Variants in SPNS3 observed in about 807,000 individuals in gnomAD.
SPNS3 encodes protein spinster homolog 3.
A neutral mutation model predicts 54.4 loss-of-function variants in SPNS3; 51 were observed. That is an observed-to-expected ratio of 0.94 (90% CI 0.75 to 1.18). The LOEUF (loss-of-function observed/expected upper bound fraction) is 1.18, where lower values mean the gene tolerates loss of function less well. Among genes scored for constraint, SPNS3 ranks in the 50% most tolerant of loss-of-function variants. SPNS3 has a pLI of 0.00. For synonymous variants in SPNS3, 309 were observed against 294.7 expected, an observed-to-expected ratio of 1.05 and a Z score of -0.50; for missense variants, 669 against 677.4, an observed-to-expected ratio of 0.99 and a Z score of 0.14.
intron 8 of SPNS3, among the ~76,000 whole-genome samples, chr17:4,473,769 T>G (rs377661558): frequency 6.6e-6 from 1 of 152,104 alleles, no homozygotes; most frequent in Non-Finnish European, 1.5e-5. Context: ...CAGGGGAGCT[T>G]GCAGGGTGGT....
chr17:4,461,427 G>A (rs1332077934), intron 8 of SPNS3, among the ~76,000 whole-genome samples: 1 of 125,304 alleles, frequency 8.0e-6, no homozygotes, highest in Non-Finnish European at 1.6e-5. Context: ...TTGAGCTCCT[G>A]GCTTCAAGCA....
chr17:4,485,792 G>A (rs1287023566), intron 9 of SPNS3, among the ~76,000 whole-genome samples: 1 of 152,226 alleles, frequency 6.6e-6, no homozygotes, highest in Non-Finnish European at 1.5e-5. Flanking sequence ...GGGCCTTGAG[G>A]TTCCTGAGAG....
rs79124106 is a variant in SPNS3 at position 4,477,805 on chromosome 17, C to T, written c.1114-767C>T. Among the ~76,000 whole-genome samples the T allele has an allele frequency of 4.9e-3, 747 of 152,184 alleles. 10 individuals carry two copies. The highest frequency in any genetic ancestry group is 0.017 in the African/African-American group (692 of 41,530). ...GCTGCTCCAAGGGAAGGGGATGGCC[C>T]GGAGGGTCCTTTGGTGGGGTGCCTG... On this transcript the variant is annotated intron_variant, in intron 8 of 11. Transcript: ENST00000355530.
intron 8 of SPNS3, among the ~76,000 whole-genome samples, chr17:4,455,972 T>C (rs1051611512): frequency 2.6e-5 from 4 of 151,996 alleles, no homozygotes; most frequent in African/African-American, 9.7e-5. Context: ...AGTAGAACTC[T>C]TTATTCTTTA....
Position 4,434,064 on chromosome 17 carries a change from A to T in SPNS3, c.97A>T (p.Thr33Ser). ...GPGRQCPPPI[T>S]PTSWSLPPWR... The stretch of plus-strand genomic sequence containing the variant: ...AGGCAGGCAGTGTCCCCCTCCCATC[A>T]CGCCCACCTCCTGGAGCCTGCCCCC... The change falls in exon 1 of 12, where the codon ACG becomes TCG. Residue 33 changes from threonine to serine, a missense_variant. Physicochemically the swap from Thr to Ser is moderately conservative, Grantham distance 58. Transcript: ENST00000355530. 1 of 1,610,666 alleles carries T rather than the reference A, an allele frequency of 6.2e-7. No individual in the cohort carries two copies. The highest frequency in any genetic ancestry group is 1.3e-5 in the African/African-American group (1 of 74,874).
At chr17:4,461,007 A>G (rs1347266661) in intron 8 of SPNS3, among the ~76,000 whole-genome samples, 1 of 152,062 alleles carries the variant, frequency 6.6e-6, no homozygotes, top group East Asian at 1.9e-4. Context: ...AAGTTTTTTG[A>G]TTGCTAACTC....
chr17:4,454,536 C>T (rs1400950308), intron 8 of SPNS3, among the ~76,000 whole-genome samples: 1 of 151,862 alleles, frequency 6.6e-6, no homozygotes, highest in African/African-American at 2.4e-5. Context: ...CATTGCTTCT[C>T]TAGTCACACA....
chr17:4,446,909 G>A lies in SPNS3; in HGVS notation c.568G>A (p.Val190Met), dbSNP rs775430125. 20 of 1,614,112 alleles carry A rather than the reference G, an allele frequency of 1.2e-5. No homozygotes were observed. The highest frequency in any genetic ancestry group is 1.7e-5 in the Admixed American group (1 of 60,018). The change falls in exon 5 of 12, where the codon GTG (valine) becomes ATG (methionine). Residue 190 changes from valine to methionine, a missense_variant. Transcript: ENST00000355530. Reference sequence around the variant, plus strand: ...CCTTTGTTGCAGTGGTCTGGGCTACGTGCTGGGGTCGGCTGTGACGATGCT... The same window carrying A: ...CCTTTGTTGCAGTGGTCTGGGCTACATGCTGGGGTCGGCTGTGACGATGCT... ...FIPVGSGLGY[V>M]LGSAVTMLTG...
chr17:4,438,352 C>T (rs1392157749), intron 1 of SPNS3, among the ~76,000 whole-genome samples: 2 of 152,242 alleles, frequency 1.3e-5, no homozygotes, highest in Non-Finnish European at 2.9e-5. Flanking sequence ...GGGGCAATGA[C>T]AGTCCCCCTC....
rs1451894868 is a variant in SPNS3 at position 4,448,240 on chromosome 17, G to T, written c.707G>T (p.Gly236Val). ...DPPRGAAETQ[G>V]EGAVGGFRSS... Reference sequence around the variant, plus strand: ...CCCCGGGGAGCTGCCGAGACACAGGGGGAGGGGGCCGTGGGAGGCTTCAGG... The same window carrying T: ...CCCCGGGGAGCTGCCGAGACACAGGTGGAGGGGGCCGTGGGAGGCTTCAGG... Residue 236 changes from glycine (G) to valine (V), a missense_variant, in exon 6 of 12, where the codon GGG (glycine) becomes GTG (valine). Coordinates refer to ENST00000355530, the MANE Select transcript of SPNS3 (RefSeq NM_182538.5). The T allele has an allele frequency of 6.2e-7, 1 of 1,601,228 alleles. No individual in the cohort carries two copies. The highest frequency in any genetic ancestry group is 1.3e-5 in the African/African-American group (1 of 74,336).
At chr17:4,456,923 C>G (rs1161206278) in intron 8 of SPNS3, among the ~76,000 whole-genome samples, 1 of 152,160 alleles carries the variant, frequency 6.6e-6, no homozygotes, top group Non-Finnish European at 1.5e-5. Flanking sequence ...CCATTTTGAC[C>G]AGGCTGGTCT....
chr17:4,451,557 G>A (rs1217078223), intron 7 of SPNS3, among the ~76,000 whole-genome samples: 1 of 152,224 alleles, frequency 6.6e-6, no homozygotes, highest in African/African-American at 2.4e-5. Flanking sequence ...AGCTTGCTCA[G>A]AGGACGACAG....
chr17:4,484,128 GAGA>G (rs1972246808), intron 9 of SPNS3, among the ~76,000 whole-genome samples: 1 of 152,154 alleles, frequency 6.6e-6, no homozygotes, highest in South Asian at 2.1e-4. Flanking sequence ...ATCCTAGAGG[GAGA>G]AGGCCTGCAA....
intron 9 of SPNS3, among the ~76,000 whole-genome samples, chr17:4,484,428 C>T (rs987608309): frequency 6.6e-6 from 1 of 152,170 alleles, no homozygotes; most frequent in South Asian, 2.1e-4. Flanking sequence ...TCAAGCGATT[C>T]TCCTGCCTCA....
chr17:4,458,638 T>TTTCTTTCTTTCC, intron 8 of SPNS3, among the ~76,000 whole-genome samples: 1 of 130,606 alleles, frequency 7.7e-6, no homozygotes. Flanking sequence ...TCTTTCTTTC[T>TTTCTTTCTTTCC]TTCTTTCTTT....
chr17:4,450,389 T>TTCCCTCCC (rs1971131926), intron 7 of SPNS3, among the ~76,000 whole-genome samples: 4 of 92,194 alleles, frequency 4.3e-5, no homozygotes, highest in Non-Finnish European at 8.2e-5. Flanking sequence ...CCCTCCCTCC[T>TTCCCTCCC]TCCCTCCCTC....
chr17:4,487,931 C>A lies in SPNS3; in HGVS notation c.*37C>A. On this transcript the variant is annotated 3_prime_UTR_variant, in exon 12 of 12. Transcript: ENST00000355530. ...ACACTCGTCCTGCCTGCAAGCCTCC[C>A]GTTGGTCCCCACAGCAGCAGTGCCT... 2 of 1,585,892 alleles carry A rather than the reference C, an allele frequency of 1.3e-6. No homozygotes were observed. Among genetic ancestry groups the A allele is most frequent in the South Asian group, 2.2e-5 (2 of 90,314 alleles).
chr17:4,450,338 C>A (rs78013880), intron 7 of SPNS3, among the ~76,000 whole-genome samples: 2,339 of 124,948 alleles, frequency 0.019, 34 homozygotes, highest in African/African-American at 0.072. Flanking sequence ...CCTCCCTCTC[C>A]CTCTCCCTCT....
At chr17:4,445,648 A>G (rs1970965020) in intron 3 of SPNS3, among the ~76,000 whole-genome samples, 1 of 152,064 alleles carries the variant, frequency 6.6e-6, no homozygotes, top group Non-Finnish European at 1.5e-5. Context: ...AAGTGCTGGG[A>G]TTACAGGCGT....
Sources: gnomAD v4.1 joint callset for allele counts (sites outside exome capture counted in the v4.1 genomes callset) on GRCh38, gnomAD v4.1.1 for gene constraint, MANE v1.5 for transcripts, NCBI Gene and HGNC (gene_info 2026-07-23, HGNC 2026-07-21) for gene names.